PLCXD3: variants seen among roughly 807,000 people sequenced by gnomAD.
PLCXD3 encodes phosphatidylinositol specific phospholipase C X domain containing 3, also known as PI-PLC X domain-containing protein 3.
PLCXD3 carries 19 observed loss-of-function variants against 25.5 expected under a neutral mutation model. The observed-to-expected ratio is 0.75, with a 90% confidence interval of 0.52 to 1.09. The LOEUF (loss-of-function observed/expected upper bound fraction) is 1.09, where lower values mean the gene tolerates loss of function less well. Ranked by LOEUF, PLCXD3 falls within the 50% of genes least tolerant of loss-of-function variation. The probability of loss-of-function intolerance (pLI) is 0.00; values close to 1 mark genes in which losing one functional copy is unlikely to be tolerated. For synonymous variants in PLCXD3, 174 were observed against 137.6 expected, an observed-to-expected ratio of 1.26 and a Z score of -1.85; for missense variants, 411 against 388.1, an observed-to-expected ratio of 1.06 and a Z score of -0.50.
At chr5:41,388,174 A>C (rs1745698064) in intron 1 of PLCXD3, among the ~76,000 whole-genome samples, 1 of 151,984 alleles carries the variant, frequency 6.6e-6, no homozygotes, top group Non-Finnish European at 1.5e-5. Context: ...TTATAATTTA[A>C]TTAGGGAAGT....
intron 2 of PLCXD3, among the ~76,000 whole-genome samples, chr5:41,374,450 G>A (rs781455112): frequency 1.3e-5 from 2 of 152,036 alleles, no homozygotes; most frequent in East Asian, 1.9e-4. Context: ...AACATCATCC[G>A]AATAAATTAT....
At chr5:41,412,696 CT>C (rs1296097239) in intron 1 of PLCXD3, among the ~76,000 whole-genome samples, 1 of 152,290 alleles carries the variant, frequency 6.6e-6, no homozygotes, top group East Asian at 1.9e-4. Flanking sequence ...ATTACATTAT[CT>C]TTTATTGTGT....
chr5:41,356,596 C>T lies in PLCXD3; in HGVS notation c.812+25230G>A, dbSNP rs148900112. ...CAACAATTCCCAAAATATGTGGATC[C>T]CTGTTTTTAAAAATGAAAACGGCCC... On this transcript the variant is annotated intron_variant, in intron 2 of 2. Coordinates refer to ENST00000377801, the MANE Select transcript of PLCXD3 (RefSeq NM_001005473.3). Among the ~76,000 whole-genome samples, 102 of 152,132 alleles carry T rather than the reference C, an allele frequency of 6.7e-4. 1 individual carries two copies. The East Asian group carries it at 0.019, about 29-fold the overall frequency.
intron 2 of PLCXD3, among the ~76,000 whole-genome samples, chr5:41,353,953 G>C (rs752493818): frequency 1.3e-5 from 2 of 152,024 alleles, no homozygotes; most frequent in Non-Finnish European, 2.9e-5. Flanking sequence ...TATATCTTTG[G>C]TGCCTAGAAT....
chr5:41,320,285 A>G (rs929357664), intron 2 of PLCXD3, among the ~76,000 whole-genome samples: 4 of 152,164 alleles, frequency 2.6e-5, no homozygotes, highest in African/African-American at 9.7e-5. Flanking sequence ...CCTGATAACA[A>G]AACCAAAGAC....
chr5:41,457,712 A>G (rs1455813077), intron 1 of PLCXD3, among the ~76,000 whole-genome samples: 3 of 151,866 alleles, frequency 2.0e-5, no homozygotes, highest in Non-Finnish European at 4.4e-5. Context: ...AAACTTTCCC[A>G]TGGGACTAGG....
chr5:41,383,146 G>A (rs1382310917), intron 1 of PLCXD3, among the ~76,000 whole-genome samples: 1 of 152,060 alleles, frequency 6.6e-6, no homozygotes, highest in Non-Finnish European at 1.5e-5. Flanking sequence ...AAACTTAGAT[G>A]AGGTCAAGTA....
At chr5:41,326,589 AT>A in intron 2 of PLCXD3, among the ~76,000 whole-genome samples, 2 of 151,930 alleles carry the variant, frequency 1.3e-5, no homozygotes, top group South Asian at 4.2e-4. Flanking sequence ...ATGCTTATGT[AT>A]TTTTTTCAGG....
At chr5:41,351,404 C>A (rs1035533337) in intron 2 of PLCXD3, among the ~76,000 whole-genome samples, 1 of 152,140 alleles carries the variant, frequency 6.6e-6, no homozygotes. Context: ...AGACCTGGCA[C>A]AGGGGCTGAG....
At chr5:41,407,395 T>A (rs1432131241) in intron 1 of PLCXD3, among the ~76,000 whole-genome samples, 1 of 152,160 alleles carries the variant, frequency 6.6e-6, no homozygotes, top group Non-Finnish European at 1.5e-5. Flanking sequence ...GAAAAAAAAA[T>A]TTCAAAATTT....
At chr5:41,340,428 C>T (rs1469342249) in intron 2 of PLCXD3, among the ~76,000 whole-genome samples, 2 of 152,042 alleles carry the variant, frequency 1.3e-5, no homozygotes, top group Non-Finnish European at 2.9e-5. Context: ...GTTTCTCTGC[C>T]CTAGACCAGA....
At chr5:41,440,598 T>C (rs1042956893) in intron 1 of PLCXD3, among the ~76,000 whole-genome samples, 4 of 152,140 alleles carry the variant, frequency 2.6e-5, no homozygotes, top group Non-Finnish European at 5.9e-5. Flanking sequence ...ATCTATCTTA[T>C]AGAGTTGTCT....
At chr5:41,425,015 T>G (rs1321749100) in intron 1 of PLCXD3, among the ~76,000 whole-genome samples, 3 of 152,210 alleles carry the variant, frequency 2.0e-5, no homozygotes, top group African/African-American at 7.2e-5. Flanking sequence ...GCAATAAGCT[T>G]TTACTTTATA....
At chr5:41,382,963 T>C (rs1483674124) in intron 1 of PLCXD3, among the ~76,000 whole-genome samples, 1 of 152,108 alleles carries the variant, frequency 6.6e-6, no homozygotes, top group African/African-American at 2.4e-5. Context: ...AGAAGGATTG[T>C]CTCAATGAAT....
At chr5:41,412,888 C>A (rs188809587) in intron 1 of PLCXD3, among the ~76,000 whole-genome samples, 1 of 152,294 alleles carries the variant, frequency 6.6e-6, no homozygotes, top group East Asian at 1.9e-4. Context: ...TTTAATTCAA[C>A]TATTTGTACT....
At chr5:41,414,366 C>T (rs1225955771) in intron 1 of PLCXD3, among the ~76,000 whole-genome samples, 2 of 152,048 alleles carry the variant, frequency 1.3e-5, no homozygotes, top group African/African-American at 4.8e-5. Context: ...CCATGCTCGG[C>T]TAATTTTGCA....
chr5:41,438,832 C>A (rs765747963), intron 1 of PLCXD3, among the ~76,000 whole-genome samples: 8 of 151,080 alleles, frequency 5.3e-5, no homozygotes, highest in Non-Finnish European at 1.2e-4. Context: ...TACAAACTAT[C>A]TATATTGACT....
rs1228443043 is a variant in PLCXD3 at position 41,309,815 on chromosome 5, T to C, written c.*3802A>G. ...GACTGTTCGTGCCAGGCATTTTCTA[T>C]TTCTGATGGCCTCACTTTTCATTGG... On this transcript the variant is annotated 3_prime_UTR_variant, in exon 3 of 3. Transcript: ENST00000377801. 1 of 152,166 alleles carries C rather than the reference T, an allele frequency of 6.6e-6. No homozygotes were observed. The highest frequency in any genetic ancestry group is 2.4e-5 in the African/African-American group (1 of 41,462). 9.4% of individuals were successfully genotyped at this position (152,166 alleles called of 1,614,324 possible). A position where few individuals can be genotyped will look rare whatever the true frequency, so the allele number is the denominator to read the frequency against.
intron 2 of PLCXD3, among the ~76,000 whole-genome samples, chr5:41,356,463 A>G (rs1744619917): frequency 6.6e-6 from 1 of 151,744 alleles, no homozygotes; most frequent in Non-Finnish European, 1.5e-5. Context: ...CTAGGAGTGT[A>G]GGCATCATAA....
Sources: gnomAD v4.1 joint callset for allele counts (sites outside exome capture counted in the v4.1 genomes callset) on GRCh38, gnomAD v4.1.1 for gene constraint, MANE v1.5 for transcripts, NCBI Gene and HGNC (gene_info 2026-07-23, HGNC 2026-07-21) for gene names.